LRP5: variants seen among roughly 807,000 people sequenced by gnomAD.
LRP5 encodes LDL receptor related protein 5.
In LRP5, 62 loss-of-function variants were observed where a neutral mutation model predicts 154.1. The ratio of observed to expected loss-of-function variants is 0.40; its 90% CI spans 0.33 to 0.50. LRP5 has a LOEUF of 0.50. Ranked by LOEUF, LRP5 falls within the 20% of genes least tolerant of loss-of-function variation. The pLI is 0.55. For missense variants in LRP5, 1,915 were observed against 2,336.7 expected (o/e 0.82, Z 3.72); for synonymous variants, 966 against 1,011.5 (o/e 0.96, Z 0.85).
At chr11:68,405,619 T>G (rs770319717) in intron 8 of LRP5, among the ~76,000 whole-genome samples, 11 of 152,302 alleles carry the variant, frequency 7.2e-5, no homozygotes, top group Non-Finnish European at 1.2e-4. Context: ...GAAATTGGGC[T>G]TCTTCCCCCT....
At chr11:68,366,932 A>C (rs1240326990) in intron 5 of LRP5, among the ~76,000 whole-genome samples, 1 of 126,708 alleles carries the variant, frequency 7.9e-6, no homozygotes, top group Non-Finnish European at 1.6e-5. Context: ...CATTGCTCCG[A>C]GGCACTGGGG....
rs953301744 is a variant in LRP5 at position 68,427,758 on chromosome 11, G to A, written c.3637+1571G>A. Among the ~76,000 whole-genome samples, 6 of 152,014 alleles carry A rather than the reference G, an allele frequency of 3.9e-5. No individual in the cohort carries two copies. In the East Asian group the frequency reaches 1.2e-3, roughly 29 times the overall value. ...AACCGAACACTGAATCCTTGAGACT[G>A]AGTAAGGACACTGTGAAATTTTTCT... On this transcript the variant is annotated intron_variant, in intron 16 of 22. Transcript: ENST00000294304.
At position 68,446,565 on chromosome 11, in the gene LRP5, T is replaced by C. The variant is rs200311366; in HGVS notation, c.4586+32T>C. 58 of 1,571,852 alleles carry C rather than the reference T, an allele frequency of 3.7e-5. No homozygotes were observed. The Middle Eastern group carries it at 1.0e-3, about 27-fold the overall frequency. ...CATCCCCTGCAGCCCTCCATGGCCA[T>C]TGGGTTCCCGCCAGCCCGTGGTGGA... On this transcript the variant is annotated intron_variant, in intron 22 of 22. Coordinates refer to ENST00000294304, the MANE Select transcript of LRP5 (RefSeq NM_002335.4).
chr11:68,440,303 C>T (rs970706982), intron 21 of LRP5, among the ~76,000 whole-genome samples: 2 of 152,210 alleles, frequency 1.3e-5, no homozygotes, highest in African/African-American at 4.8e-5. Flanking sequence ...GTTCTCCCAC[C>T]CAGGGCTGGC....
Position 68,346,771 on chromosome 11 carries a change from G to A in LRP5, c.92-1076G>A, listed in dbSNP as rs1007217884. 5.3e-5 allele frequency among the ~76,000 whole-genome samples: 8 copies of A among 152,328 alleles called. No homozygotes were observed. The East Asian group carries it at 9.6e-4, about 18-fold the overall frequency. On this transcript the variant is annotated intron_variant, in intron 1 of 22. Coordinates refer to ENST00000294304, the MANE Select transcript of LRP5 (RefSeq NM_002335.4). ...GCCTAGCCCTGCTGACAGCAGACAC[G>A]GACTGATGGAGCTCCCTGGAGGCCC...
chr11:68,443,489 CAA>C (rs1171623131), intron 21 of LRP5, among the ~76,000 whole-genome samples: 97 of 21,936 alleles, frequency 4.4e-3, no homozygotes, highest in Non-Finnish European at 5.4e-3. Flanking sequence ...GACTCTGTCT[CAA>C]AAAAAAAAAA....
Position 68,401,319 on chromosome 11 carries a change from C to T in LRP5, c.1585-2164C>T, listed in dbSNP as rs967057045. ...CCATCACCTGCTGTTCATTGCACAC[C>T]GGAGCATCCAGGCATGGGTGGAGAG... On this transcript the variant is annotated intron_variant, in intron 7 of 22. Coordinates refer to ENST00000294304, the MANE Select transcript of LRP5 (RefSeq NM_002335.4). 3.3e-5 allele frequency among the ~76,000 whole-genome samples: 5 copies of T among 152,154 alleles called. 1 individual carries two copies. The highest frequency in any genetic ancestry group is 4.4e-5 in the Non-Finnish European group (3 of 68,034).
chr11:68,350,593 C>T (rs550289341), intron 2 of LRP5, among the ~76,000 whole-genome samples: 21 of 152,338 alleles, frequency 1.4e-4, no homozygotes, highest in Non-Finnish European at 2.1e-4. Context: ...AGGAGCCGGG[C>T]GGGAGGGGCT....
intron 16 of LRP5, among the ~76,000 whole-genome samples, chr11:68,427,919 GT>G (rs1181782245): frequency 1.3e-5 from 2 of 151,922 alleles, no homozygotes; most frequent in Non-Finnish European, 2.9e-5. Context: ...AATAACGCGA[GT>G]TCCCAGGGAC....
intron 1 of LRP5, among the ~76,000 whole-genome samples, chr11:68,329,652 C>T (rs1485308648): frequency 6.6e-6 from 1 of 152,186 alleles, no homozygotes; most frequent in African/African-American, 2.4e-5. Flanking sequence ...CTGGACTCTG[C>T]CACTCCTCTC....
chr11:68,347,329 G>T lies in LRP5; in HGVS notation c.92-518G>T, dbSNP rs183614457. The stretch of plus-strand genomic sequence containing the variant: ...GAAACGGGCCTGAGCTTGGACAGTG[G>T]TCAAAGACTTGTAAGGGAATCTTGA... On this transcript the variant is annotated intron_variant, in intron 1 of 22. Transcript: ENST00000294304. Among the ~76,000 whole-genome samples, 20 of 152,344 alleles carry T rather than the reference G, an allele frequency of 1.3e-4. No homozygotes were observed. In the East Asian group the frequency reaches 3.9e-3, roughly 29 times the overall value.
At chr11:68,355,081 T>C (rs2098622056) in intron 2 of LRP5, among the ~76,000 whole-genome samples, 1 of 152,180 alleles carries the variant, frequency 6.6e-6, no homozygotes, top group Non-Finnish European at 1.5e-5. Flanking sequence ...TCAGGAACGA[T>C]ACCACTCAAG....
At chr11:68,402,988 G>A (rs2098653458) in intron 7 of LRP5, among the ~76,000 whole-genome samples, 2 of 152,218 alleles carry the variant, frequency 1.3e-5, no homozygotes. Context: ...GCTCACGCCT[G>A]GAATCCCAGC....
At chr11:68,378,192 C>T (rs1316563973) in intron 5 of LRP5, among the ~76,000 whole-genome samples, 1 of 152,114 alleles carries the variant, frequency 6.6e-6, no homozygotes, top group Non-Finnish European at 1.5e-5. Flanking sequence ...CCTGTTTTCC[C>T]ACATTGGGGC....
chr11:68,402,860 T>TTC (rs1415216885), intron 7 of LRP5, among the ~76,000 whole-genome samples: 2 of 152,214 alleles, frequency 1.3e-5, no homozygotes, highest in African/African-American at 4.8e-5. Context: ...CAAATCTTGC[T>TTC]TCTCATCCCA....
At chr11:68,317,983 T>C (rs1173970801) in intron 1 of LRP5, among the ~76,000 whole-genome samples, 2 of 152,130 alleles carry the variant, frequency 1.3e-5, no homozygotes, top group African/African-American at 2.4e-5. Context: ...ATTTGCTCTA[T>C]TGGAGTGTAT....
intron 1 of LRP5, among the ~76,000 whole-genome samples, chr11:68,337,665 A>T (rs2098606426): frequency 6.6e-6 from 1 of 151,680 alleles, no homozygotes; most frequent in Admixed American, 6.6e-5. Context: ...GTTCACCCAC[A>T]GCCGTGTCTT....
chr11:68,303,144 T>C, the LRP5 span, among the ~76,000 whole-genome samples: 2 of 152,186 alleles, frequency 1.3e-5, no homozygotes, highest in Non-Finnish European at 2.9e-5. Flanking sequence ...TATTTATTTA[T>C]TTATTGAGAC....
chr11:68,397,458 G>A (rs889457385), intron 7 of LRP5, among the ~76,000 whole-genome samples: 3 of 151,988 alleles, frequency 2.0e-5, no homozygotes, highest in African/African-American at 4.8e-5. Context: ...AGCTGCCCCC[G>A]GCCCTCTCCC....
Sources: allele counts gnomAD v4.1 joint callset (sites outside exome capture counted in the v4.1 genomes callset), GRCh38; gene constraint gnomAD v4.1.1; transcripts MANE v1.5; gene names NCBI Gene and HGNC (gene_info 2026-07-23, HGNC 2026-07-21).